SYNE3: variants seen among roughly 807,000 people sequenced by gnomAD.
The protein encoded by SYNE3 is nesprin-3.
In SYNE3, 100 loss-of-function variants were observed where a neutral mutation model predicts 111.2. The ratio of observed to expected loss-of-function variants is 0.90; its 90% CI spans 0.77 to 1.06. The LOEUF is 1.06. Among genes scored for constraint, SYNE3 ranks in the 50% least tolerant of loss-of-function variants. The probability of loss-of-function intolerance (pLI) is 0.00; values close to 1 mark genes in which losing one functional copy is unlikely to be tolerated. For missense variants in SYNE3, 1,160 were observed against 1,240.3 expected, an observed-to-expected ratio of 0.94 and a Z score of 0.97; for synonymous variants, 547 against 533.9, an observed-to-expected ratio of 1.02 and a Z score of -0.34.
At chr14:95,434,739 C>A (rs1885989259) in intron 15 of SYNE3, among the ~76,000 whole-genome samples, 1 of 152,210 alleles carries the variant, frequency 6.6e-6, no homozygotes, top group South Asian at 2.1e-4. Flanking sequence ...CTCACCGCAA[C>A]CTCTGCCTCC....
At chr14:95,484,395 G>A (rs1417785071) in intron 1 of SYNE3, among the ~76,000 whole-genome samples, 1 of 152,150 alleles carries the variant, frequency 6.6e-6, no homozygotes, top group African/African-American at 2.4e-5. Flanking sequence ...GAAGGGGAGG[G>A]CTCCCAGGAG....
At chr14:95,443,665 G>A (rs967130634) in intron 10 of SYNE3, 2 of 166,116 alleles carry the variant, frequency 1.2e-5, no homozygotes, top group African/African-American at 4.8e-5. Flanking sequence ...TCTTTTTTTG[G>A]AGACAGAGTC....
At chr14:95,426,274 C>G (rs1595176340) in intron 17 of SYNE3, among the ~76,000 whole-genome samples, 1 of 152,322 alleles carries the variant, frequency 6.6e-6, no homozygotes, top group East Asian at 1.9e-4. Context: ...TGGTTTGAAG[C>G]CTGTCCCTGG....
At chr14:95,430,002 A>AAAG (rs1246807380) in intron 17 of SYNE3, 2 of 231,144 alleles carry the variant, frequency 8.7e-6, no homozygotes, top group Non-Finnish European at 1.1e-5. Flanking sequence ...AAGGAAGGAA[A>AAAG]GAAGGGAGGG....
chr14:95,463,592 G>A (rs1160866926), intron 4 of SYNE3, among the ~76,000 whole-genome samples: 1 of 152,264 alleles, frequency 6.6e-6, no homozygotes, highest in African/African-American at 2.4e-5. Context: ...GGCCAGAGGG[G>A]CAGACCTGGA....
At chr14:95,513,384 G>A (rs1013912324) in intron 1 of SYNE3, among the ~76,000 whole-genome samples, 2 of 152,120 alleles carry the variant, frequency 1.3e-5, no homozygotes, top group Admixed American at 6.6e-5. Context: ...AAACCCAGGC[G>A]AGAGATCCAG....
At position 95,415,276 on chromosome 14, in the gene SYNE3, G is replaced by GCCCCCGGGGGGGGGGGGGGGGGCCC; in HGVS notation, c.*2549_*2550insGGGCCCCCCCCCCCCCCCCCGGGGG. The GCCCCCGGGGGGGGGGGGGGGGGCCC allele has an allele frequency of 7.2e-6, 1 of 139,698 alleles. No individual in the cohort carries two copies. Among genetic ancestry groups the GCCCCCGGGGGGGGGGGGGGGGGCCC allele is most frequent in the South Asian group, 2.4e-4 (1 of 4,158 alleles). The allele number at this position is 139,698 out of a possible 1,614,324, so 8.7% of individuals were successfully genotyped here. ...CATAGGAAAGTGGACACCTGGCAAG[G>GCCCCCGGGGGGGGGGGGGGGGGCCC]CCCCCCCACCCACCCACCCTGCCAC... is the stretch of plus-strand genomic sequence containing the variant. On this transcript the variant is annotated 3_prime_UTR_variant, in exon 18 of 18. Transcript: ENST00000682763.
intron 17 of SYNE3, among the ~76,000 whole-genome samples, chr14:95,426,830 G>C (rs1370764075): frequency 6.6e-6 from 1 of 150,982 alleles, no homozygotes; most frequent in African/African-American, 2.4e-5. Flanking sequence ...TGTAGTCCCA[G>C]CTACTTGGGA....
chr14:95,464,588 T>C (rs542790018), intron 4 of SYNE3, among the ~76,000 whole-genome samples: 40 of 152,254 alleles, frequency 2.6e-4, no homozygotes, highest in Non-Finnish European at 4.8e-4. Context: ...GATTCTGGCT[T>C]GGGGTTCACG....
At chr14:95,511,738 T>TA (rs1890729420) in intron 1 of SYNE3, among the ~76,000 whole-genome samples, 3 of 151,454 alleles carry the variant, frequency 2.0e-5, no homozygotes, top group African/African-American at 7.3e-5. Flanking sequence ...ATAAATAAAT[T>TA]AAATAAAATA....
chr14:95,462,070 T>C (rs924788431), intron 4 of SYNE3, among the ~76,000 whole-genome samples: 11 of 152,186 alleles, frequency 7.2e-5, no homozygotes, highest in African/African-American at 2.7e-4. Flanking sequence ...CCTCTCAGGC[T>C]TCGGAAGAAC....
chr14:95,441,373 C>T (rs571944252), intron 11 of SYNE3, among the ~76,000 whole-genome samples: 58 of 152,346 alleles, frequency 3.8e-4, no homozygotes, highest in South Asian at 8.3e-4. Context: ...CAGACGCCTC[C>T]AAGGGCTTCC....
intron 17 of SYNE3, among the ~76,000 whole-genome samples, chr14:95,420,134 C>T (rs1885033265): frequency 6.9e-6 from 1 of 144,574 alleles, no homozygotes; most frequent in South Asian, 2.2e-4. Flanking sequence ...ATAAAACAGG[C>T]TGATTATAAC....
chr14:95,428,129 C>G (rs1419172561), intron 17 of SYNE3, among the ~76,000 whole-genome samples: 1 of 152,170 alleles, frequency 6.6e-6, no homozygotes, highest in East Asian at 1.9e-4. Flanking sequence ...ATAAACCCAC[C>G]TCACAGAAAG....
At chr14:95,443,327 A>G in intron 10 of SYNE3, 38 bp from the exon 11 acceptor site, 2 of 1,611,756 alleles carry the variant, frequency 1.2e-6, no homozygotes, top group Non-Finnish European at 1.7e-6. Flanking sequence ...TAATCTTCCC[A>G]CCTCTCCCTC....
chr14:95,466,366 C>T, intron 3 of SYNE3, 126 bp from the exon 4 acceptor site: 3 of 1,139,280 alleles, frequency 2.6e-6, no homozygotes, highest in Non-Finnish European at 2.4e-6. Flanking sequence ...GATGCCCTTT[C>T]TGGCCTCTGA....
chr14:95,422,515 A>T (rs938176814), intron 17 of SYNE3, among the ~76,000 whole-genome samples: 1 of 152,148 alleles, frequency 6.6e-6, no homozygotes, highest in Admixed American at 6.5e-5. Context: ...GAACGACAAC[A>T]AAAGTCTCTG....
intron 1 of SYNE3, among the ~76,000 whole-genome samples, chr14:95,505,567 T>C (rs1386876472): frequency 6.6e-6 from 1 of 152,262 alleles, no homozygotes; most frequent in East Asian, 1.9e-4. Context: ...ATATCTGCCA[T>C]GCAGACACAT....
chr14:95,449,593 G>A, intron 8 of SYNE3: 1 of 985,476 alleles, frequency 1.0e-6, no homozygotes, highest in Non-Finnish European at 1.2e-6. Context: ...CCGCAGGTCA[G>A]GTCAGGTTTC....
Sources: gnomAD v4.1 joint callset for allele counts (sites outside exome capture counted in the v4.1 genomes callset) on GRCh38, gnomAD v4.1.1 for gene constraint, MANE v1.5 for transcripts, NCBI Gene and HGNC (gene_info 2026-07-23, HGNC 2026-07-21) for gene names.